The following URI1 variants were observed in gnomAD, a reference collection of about 807,000 sequenced individuals.
URI1 encodes unconventional prefoldin RPB5 interactor 1.
A neutral mutation model predicts 60.2 loss-of-function variants in URI1; 39 were observed. The observed-to-expected ratio is 0.65, with a 90% CI of 0.50 to 0.85. The LOEUF (loss-of-function observed/expected upper bound fraction) is 0.85. Ranked by LOEUF, URI1 falls within the 40% of genes least tolerant of loss-of-function variation. URI1 has a pLI of 0.00. For synonymous variants in URI1, 251 were observed against 236.8 expected (o/e 1.06, Z -0.55); for missense variants, 691 against 665.9 (o/e 1.04, Z -0.42).
At chr19:29,965,444 T>C (rs2055380554) in intron 1 of URI1, among the ~76,000 whole-genome samples, 1 of 152,230 alleles carries the variant, frequency 6.6e-6, no homozygotes, top group African/African-American at 2.4e-5. Flanking sequence ...TTATCTGCAG[T>C]TCGGAAGCCT....
chr19:29,934,124 C>T (rs180710919), intron 1 of URI1, among the ~76,000 whole-genome samples: 87 of 151,716 alleles, frequency 5.7e-4, no homozygotes, highest in Middle Eastern at 3.4e-3. Context: ...TTAGAAGAGA[C>T]GGGGTTTCAC....
intron 9 of URI1, among the ~76,000 whole-genome samples, chr19:30,011,715 G>GA (rs2056022724): frequency 6.6e-6 from 1 of 150,652 alleles, no homozygotes; most frequent in South Asian, 2.1e-4. Context: ...ATAAATCAGT[G>GA]AAAATTGCTA....
intron 1 of URI1, among the ~76,000 whole-genome samples, chr19:29,960,551 A>G (rs563898635): frequency 1.3e-5 from 2 of 152,138 alleles, no homozygotes; most frequent in African/African-American, 4.8e-5. Flanking sequence ...ACTTGCCTTC[A>G]AGTCTCCTTT....
At position 29,989,551 on chromosome 19, in the gene URI1, T is replaced by G. The variant is rs185303535; in HGVS notation, c.367+3134T>G. Among the ~76,000 whole-genome samples the G allele has an allele frequency of 4.0e-4, 61 of 151,932 alleles. No individual in the cohort carries two copies. In the East Asian group the frequency reaches 0.012, roughly 29 times the overall value. ...TGATTCTCCTGCTCAGCCTCCTGAG[T>G]AGCTGAGATTACAGGTGCGTACCAC... On this transcript the variant is annotated intron_variant, in intron 4 of 10. Transcript: ENST00000392271.
intron 1 of URI1, among the ~76,000 whole-genome samples, chr19:29,961,540 C>G (rs990177769): frequency 2.6e-5 from 4 of 151,982 alleles, no homozygotes; most frequent in African/African-American, 9.7e-5. Flanking sequence ...ATGTATTATG[C>G]AGTGTATTAT....
rs1462212233 is a variant in URI1, at chr19:30,014,883, C to G, written c.1426-4C>G. 1 of 1,606,834 alleles carries G rather than the reference C, an allele frequency of 6.2e-7. No homozygotes were observed. Among genetic ancestry groups the G allele is most frequent in the African/African-American group, 1.3e-5 (1 of 74,532 alleles). On this transcript the variant is annotated splice_region_variant and splice_polypyrimidine_tract_variant and intron_variant, in intron 10 of 10. Coordinates refer to ENST00000392271, the MANE Select transcript of URI1 (RefSeq NM_003796.3). ...ATTACCATAACCTGACTTTTGTTTT[C>G]TAGGCTTTTTCTGGAACTGTTATAG... is the stretch of plus-strand genomic sequence containing the variant.
At chr19:29,978,062 T>C (rs2055547710) in intron 2 of URI1, among the ~76,000 whole-genome samples, 1 of 152,196 alleles carries the variant, frequency 6.6e-6, no homozygotes, top group Non-Finnish European at 1.5e-5. Context: ...GGTCAAACTG[T>C]AAATGCATTT....
chr19:29,923,680 G>T (rs3745642), exon 1 of URI1: 189,711 of 1,535,782 alleles, frequency 0.12, 15,562 homozygotes, highest in African/African-American at 0.31. Context: ...CTCCTTGGAG[G>T]TCACTGCCCT....
chr19:30,012,796 T>G, intron 10 of URI1: 1 of 304,564 alleles, frequency 3.3e-6, no homozygotes, highest in South Asian at 5.8e-5. Flanking sequence ...ATGTATTACA[T>G]TTGTAGCTAG....
At chr19:29,942,219 C>A, upstream of URI1, 5 of 984,674 alleles carry the variant, frequency 5.1e-6, no homozygotes, top group Non-Finnish European at 4.8e-6. Flanking sequence ...TTGCTTCCGG[C>A]GTGCCGCGAG....
chr19:29,947,408 CA>C (rs746137664), intron 1 of URI1, among the ~76,000 whole-genome samples: 2 of 152,214 alleles, frequency 1.3e-5, no homozygotes, highest in Admixed American at 6.5e-5. Flanking sequence ...GGAACTTTCT[CA>C]TGGCGTGTTT....
At chr19:29,986,873 A>C (rs1425043155) in intron 4 of URI1, among the ~76,000 whole-genome samples, 1 of 152,226 alleles carries the variant, frequency 6.6e-6, no homozygotes, top group Non-Finnish European at 1.5e-5. Flanking sequence ...GGTTTGGAAA[A>C]AAAACCATAT....
At chr19:29,972,391 G>A (rs2055470912) in intron 2 of URI1, among the ~76,000 whole-genome samples, 1 of 151,978 alleles carries the variant, frequency 6.6e-6, no homozygotes, top group Non-Finnish European at 1.5e-5. Flanking sequence ...AATACAAGTC[G>A]TTGGCCAAAG....
rs897153743 is a variant in URI1 at position 29,928,283 on chromosome 19, A to G, written c.63+4529A>G. ...AGGCTGTTTCGAGGAATCACTAGAG[A>G]AGCTTAAAAACTTCCCACCGCCCAG... On this transcript the variant is annotated intron_variant, in intron 1 of 10. Transcript: ENST00000360605. 2.0e-5 allele frequency among the ~76,000 whole-genome samples: 3 copies of G among 152,030 alleles called. No homozygotes were observed. In the South Asian group the frequency reaches 6.2e-4, roughly 32 times the overall value.
chr19:29,924,189 C>T (rs1222840395), intron 1 of URI1, among the ~76,000 whole-genome samples: 3 of 152,102 alleles, frequency 2.0e-5, no homozygotes, highest in African/African-American at 4.8e-5. Context: ...TCTACTGATT[C>T]GAGTACCAAT....
At chr19:29,999,333 G>A (rs1158233199) in intron 4 of URI1, among the ~76,000 whole-genome samples, 1 of 152,116 alleles carries the variant, frequency 6.6e-6, no homozygotes, top group Non-Finnish European at 1.5e-5. Context: ...ACTTCCTTTA[G>A]CATTTCTTGG....
Position 30,015,462 on chromosome 19 carries a change from C to A in URI1, c.*393C>A. The A allele has an allele frequency of 6.6e-7, 1 of 1,514,890 alleles. No individual in the cohort carries two copies. 93.8% of individuals were successfully genotyped at this position (1,514,890 alleles called of 1,614,324 possible). A position where few individuals can be genotyped will look rare whatever the true frequency, so the allele number is the denominator to read the frequency against. On this transcript the variant is annotated 3_prime_UTR_variant, in exon 11 of 11. Transcript: ENST00000392271. ...CATTTTAAAGAAAATTTTAAAATTT[C>A]AAATAGATTCAACAATTACATTACT...
Position 29,987,712 on chromosome 19 carries a change from G to A in URI1, c.367+1295G>A, listed in dbSNP as rs189337657. Among the ~76,000 whole-genome samples the A allele has an allele frequency of 3.8e-3, 577 of 152,160 alleles. 3 individuals carry two copies. Among genetic ancestry groups the A allele is most frequent in the African/African-American group, 0.014 (562 of 41,516 alleles). ...TAGTTATAACTTAAAATATTAATGG[G>A]AATACTTATACTACAATAGAATAGA... On this transcript the variant is annotated intron_variant, in intron 4 of 10. Transcript: ENST00000392271.
At chr19:29,940,972 G>A (rs1164037457), upstream of URI1, among the ~76,000 whole-genome samples, 1 of 152,190 alleles carries the variant, frequency 6.6e-6, no homozygotes, top group African/African-American at 2.4e-5. Context: ...TGTTCCAGAG[G>A]TGATGATGGT....
Sources: allele counts gnomAD v4.1 joint callset (sites outside exome capture counted in the v4.1 genomes callset), GRCh38; gene constraint gnomAD v4.1.1; transcripts MANE v1.5; gene names NCBI Gene and HGNC (gene_info 2026-07-23, HGNC 2026-07-21).